Variants in MYH13 observed in about 807,000 individuals in gnomAD.
MYH13 encodes myosin-13.
A neutral mutation model predicts 232.1 loss-of-function variants in MYH13; 177 were observed. The observed-to-expected ratio is 0.76, with a 90% CI of 0.67 to 0.86. The LOEUF is 0.86. MYH13 is among the 40% of genes least tolerant of loss of function. The pLI, the probability that MYH13 is intolerant of heterozygous loss-of-function variation, is 0.00. For missense variants in MYH13, 2,246 were observed against 2,405.9 expected, an observed-to-expected ratio of 0.93 and a Z score of 1.39; for synonymous variants, 884 against 923.5, an observed-to-expected ratio of 0.96 and a Z score of 0.78.
rs766967006 is a variant in MYH13 at position 10,345,208 on chromosome 17, G to C, written c.1578C>G (p.Ile526Met). ...GMDLAACIEL[I>M]EKPMGIFSIL... ...GGCAGCAGTATCTCTCTACCTTCTC[G>C]ATGAGCTCGATGCAGGCAGCCAGGT... The change falls in exon 15 of 41, where the codon ATC (isoleucine) becomes ATG (methionine). Residue 526 changes from isoleucine (I) to methionine (M), a missense_variant. By Grantham distance (10) the Ile-to-Met change is conservative. Transcript: ENST00000252172. 2 of 1,614,076 alleles carry C rather than the reference G, an allele frequency of 1.2e-6. No homozygotes were observed. The highest frequency in any genetic ancestry group is 1.1e-5 in the South Asian group (1 of 91,078).
chr17:10,342,249 C>G (rs2071624164), intron 16 of MYH13, among the ~76,000 whole-genome samples: 1 of 152,042 alleles, frequency 6.6e-6, no homozygotes, highest in African/African-American at 2.4e-5. Flanking sequence ...GTTTTAGAGA[C>G]AGGATCTCTA....
At chr17:10,324,780 T>TTTTTTTTTTTTTC (rs1555549978) in intron 22 of MYH13, 1 of 128,618 alleles carries the variant, frequency 7.8e-6, no homozygotes, top group African/African-American at 2.7e-5. Flanking sequence ...TTTTTTTTTT[T>TTTTTTTTTTTTTC]AACTAGCAAG....
intron 22 of MYH13, chr17:10,324,753 C>T (rs963412598): frequency 3.4e-4 from 21 of 62,370 alleles, no homozygotes; most frequent in African/African-American, 1.2e-3. Context: ...GGTCCATATA[C>T]ATGTTTTTTT....
intron 3 of MYH13, 38 bp from the exon 4 acceptor site, chr17:10,362,541 A>T: frequency 6.2e-7 from 1 of 1,613,602 alleles, no homozygotes; most frequent in Non-Finnish European, 8.5e-7. Flanking sequence ...TAAATTGGTG[A>T]GCCAAGTGCC....
intron 11 of MYH13, among the ~76,000 whole-genome samples, chr17:10,352,939 G>GTCACAGCAGCTGAGCTTCAGCCAA (rs1312987706): frequency 4.6e-5 from 7 of 152,094 alleles, no homozygotes; most frequent in African/African-American, 1.5e-4. Context: ...GTCTCAGCCA[G>GTCACAGCAGCTGAGCTTCAGCCAA]TCACAGCAGC....
chr17:10,325,745 C>G (rs953235916), intron 22 of MYH13, among the ~76,000 whole-genome samples: 2 of 152,166 alleles, frequency 1.3e-5, no homozygotes, highest in African/African-American at 4.8e-5. Flanking sequence ...GGCGCGATCT[C>G]GGCTCACTGC....
At position 10,309,816 on chromosome 17, in the gene MYH13, G is replaced by C; in HGVS notation, c.4671C>G (p.His1557Gln). 2 of 1,579,772 alleles carry C rather than the reference G, an allele frequency of 1.3e-6. No homozygotes were observed. Among genetic ancestry groups the C allele is most frequent in the Non-Finnish European group, 1.7e-6 (2 of 1,161,648 alleles). The change falls in exon 34 of 41, where the codon CAC becomes CAG. Residue 1557 changes from histidine (H) to glutamine (Q), a missense_variant. His to Gln is a conservative substitution (Grantham distance 24, BLOSUM62 0). Coordinates refer to ENST00000252172, the MANE Select transcript of MYH13 (RefSeq NM_003802.3). Reference sequence around the variant, plus strand: ...GCACGCGCAAGATCTTGCTCTCCTCGTGTTCCAAGGAACCCTGACGAAAGC... The same window carrying C: ...GCACGCGCAAGATCTTGCTCTCCTCCTGTTCCAAGGAACCCTGACGAAAGC... Reference protein sequence around the residue: ...ALEEVEGSLEHEESKILRVQL... With the variant: ...ALEEVEGSLEQEESKILRVQL...
Position 10,301,686 on chromosome 17 carries a change from C to T in MYH13, c.5685G>A (p.Thr1895=), listed in dbSNP as rs769992678. 1.6e-5 allele frequency: 26 copies of T among 1,613,632 alleles called. No individual in the cohort carries two copies. The East Asian group carries it at 1.8e-4, about 11-fold the overall frequency. The change falls in exon 40 of 41, where the codon ACG becomes ACA. Residue 1895 remains threonine (T), a synonymous_variant. Transcript: ENST00000252172. ...QAEEAEEQAN[T]QLSRCRRVQH... ...GGACTCTCCGGCATCTGGACAGCTG[C>T]GTGTTGGCCTGCTCCTCCTGCACAG...
rs1243615402 is a variant in MYH13, at chr17:10,371,209, C to T, written c.-13G>A. The T allele has an allele frequency of 6.6e-6, 1 of 152,064 alleles. No individual in the cohort carries two copies. Among genetic ancestry groups the T allele is most frequent in the Non-Finnish European group, 1.5e-5 (1 of 68,032 alleles). 9.4% of individuals were successfully genotyped at this position (152,064 alleles called of 1,614,324 possible). On this transcript the variant is annotated splice_region_variant and 5_prime_UTR_variant, in exon 2 of 41. Transcript: ENST00000252172. ...TGATCAAGCTGAAAATAACCCTTAC[C>T]TTCTTGGTTCCCAAGTGACAGTCAG...
chr17:10,305,519 C>T (rs1005910972), intron 37 of MYH13, among the ~76,000 whole-genome samples: 2 of 152,128 alleles, frequency 1.3e-5, no homozygotes, highest in African/African-American at 4.8e-5. Flanking sequence ...GGGTGGTTTG[C>T]ATAAAGAATG....
In MYH13 at chr17:10,350,664, C is replaced by T; in HGVS notation, c.1036G>A (p.Glu346Lys). The T allele has an allele frequency of 6.2e-7, 1 of 1,613,820 alleles. No homozygotes were observed. Among genetic ancestry groups the T allele is most frequent in the Non-Finnish European group, 8.5e-7 (1 of 1,179,956 alleles). ...NAIDILGFSS[E>K]EKVGIYKLTG... The stretch of plus-strand genomic sequence containing the variant: ...AGTTTGTAGATCCCGACTTTCTCCT[C>T]TGAGCTGAAGCCCAGGATGTCAATG... Residue 346 changes from glutamate to lysine, a missense_variant, in exon 12 of 41, where the codon GAG becomes AAG. Coordinates refer to ENST00000252172, the MANE Select transcript of MYH13 (RefSeq NM_003802.3).
In MYH13 at chr17:10,350,500, C is replaced by G. The variant is rs187642885; in HGVS notation, c.1144+56G>C. 145 of 1,575,908 alleles carry G rather than the reference C, an allele frequency of 9.2e-5. 1 individual carries two copies. In the Admixed American group the frequency reaches 2.6e-3, roughly 29 times the overall value. On this transcript the variant is annotated intron_variant, in intron 12 of 40. Coordinates refer to ENST00000252172, the MANE Select transcript of MYH13 (RefSeq NM_003802.3). ...GAATGCAGTTTATCTCACACGGCCT[C>G]GCCCGCACATGAACATAGATGGACC...
intron 29 of MYH13, among the ~76,000 whole-genome samples, chr17:10,315,080 C>A (rs1187145285): frequency 2.0e-5 from 3 of 152,070 alleles, no homozygotes; most frequent in Non-Finnish European, 4.4e-5. Flanking sequence ...AATTGCTGGG[C>A]AGAATGATCA....
At chr17:10,355,828 C>CTTTTTTTTTT (rs61338527) in intron 8 of MYH13, among the ~76,000 whole-genome samples, 5 of 66,814 alleles carry the variant, frequency 7.5e-5, no homozygotes, top group Non-Finnish European at 1.0e-4. Context: ...TTCTGTCTGA[C>CTTTTTTTTTT]TTTTTTTTTT....
intron 23 of MYH13, among the ~76,000 whole-genome samples, chr17:10,322,900 T>C (rs1302520536): frequency 6.6e-6 from 1 of 152,180 alleles, no homozygotes; most frequent in African/African-American, 2.4e-5. Context: ...CCCAAAGTGC[T>C]GGGATTACAG....
intron 23 of MYH13, among the ~76,000 whole-genome samples, chr17:10,322,400 A>G (rs570055075): frequency 6.6e-6 from 1 of 152,210 alleles, no homozygotes; most frequent in East Asian, 1.9e-4. Flanking sequence ...CCGTCTCAAA[A>G]ATAAAGACAG....
chr17:10,372,300 G>T (rs1437048405), intron 1 of MYH13, among the ~76,000 whole-genome samples: 1 of 152,182 alleles, frequency 6.6e-6, no homozygotes, highest in Non-Finnish European at 1.5e-5. Context: ...TCCGTAAAAT[G>T]AATCAGATGC....
At chr17:10,316,950 T>A (rs1392053584) in intron 27 of MYH13, among the ~76,000 whole-genome samples, 1 of 152,112 alleles carries the variant, frequency 6.6e-6, no homozygotes, top group African/African-American at 2.4e-5. Context: ...GAGCTTAGGA[T>A]CTCTTTGAGA....
chr17:10,349,919 A>C (rs1224056429), intron 12 of MYH13, among the ~76,000 whole-genome samples: 2 of 152,176 alleles, frequency 1.3e-5, no homozygotes, highest in Non-Finnish European at 2.9e-5. Context: ...AATTCAAGGA[A>C]CTTGTAAGAA....
Sources: gnomAD v4.1 joint callset for allele counts (sites outside exome capture counted in the v4.1 genomes callset) on GRCh38, gnomAD v4.1.1 for gene constraint, MANE v1.5 for transcripts, NCBI Gene and HGNC (gene_info 2026-07-23, HGNC 2026-07-21) for gene names.